Variants in CDK19 observed in about 807,000 individuals in gnomAD.
CDK19 encodes the protein cyclin-dependent kinase 19.
In CDK19, 20 loss-of-function variants were observed where a neutral mutation model predicts 68.3. The ratio of observed to expected loss-of-function variants is 0.29; its 90% CI spans 0.21 to 0.43. The LOEUF (loss-of-function observed/expected upper bound fraction) is 0.43, where lower values mean the gene tolerates loss of function less well. Among genes scored for constraint, CDK19 ranks in the 20% least tolerant of loss-of-function variants. The pLI, the probability that CDK19 is intolerant of heterozygous loss-of-function variation, is 1.00. For synonymous variants in CDK19, 221 were observed against 222.8 expected (o/e 0.99, Z 0.07); for missense variants, 339 against 623.5 (o/e 0.54, Z 4.86).
intron 2 of CDK19, among the ~76,000 whole-genome samples, chr6:110,731,056 C>CA (rs758985544): frequency 6.4e-5 from 5 of 78,120 alleles, no homozygotes; most frequent in East Asian, 3.1e-4. Flanking sequence ...CCATCTCAAA[C>CA]AAAAAAAAGA....
chr6:110,760,396 CAA>C (rs34613571), intron 1 of CDK19, among the ~76,000 whole-genome samples: 2,164 of 39,516 alleles, frequency 0.055, 6 homozygotes, highest in South Asian at 0.14. Context: ...GGCTTTGTCT[CAA>C]AAAAAAAAAA....
chr6:110,771,998 AG>A (rs1780046849), intron 1 of CDK19, among the ~76,000 whole-genome samples: 1 of 152,202 alleles, frequency 6.6e-6, no homozygotes, highest in South Asian at 2.1e-4. Context: ...ACAAGTCTCT[AG>A]GAAGTTCCAA....
Position 110,809,172 on chromosome 6 carries a change from G to A in CDK19, c.128+5837C>T, listed in dbSNP as rs182734271. ...GCAGCTTGCAGTGAGCCGAGACTGC[G>A]CCACTGCACTCCAGCCTGGGAGACA... On this transcript the variant is annotated intron_variant, in intron 1 of 12. Coordinates refer to ENST00000368911, the MANE Select transcript of CDK19 (RefSeq NM_015076.5). Among the ~76,000 whole-genome samples the A allele has an allele frequency of 2.6e-3, 383 of 148,818 alleles. 3 individuals are homozygous for A. Among genetic ancestry groups the A allele is most frequent in the African/African-American group, 8.9e-3 (358 of 40,278 alleles).
At chr6:110,769,241 A>T (rs561226038) in intron 1 of CDK19, among the ~76,000 whole-genome samples, 2 of 151,946 alleles carry the variant, frequency 1.3e-5, no homozygotes, top group African/African-American at 4.8e-5. Context: ...GATTTTAACA[A>T]ATGTGTCTCA....
intron 2 of CDK19, among the ~76,000 whole-genome samples, chr6:110,707,663 T>C (rs141188128): frequency 6.6e-6 from 1 of 152,252 alleles, no homozygotes; most frequent in Non-Finnish European, 1.5e-5. Flanking sequence ...TGCCAGGGTA[T>C]GAAATTGCTT....
chr6:110,792,453 GGCTCACTGCAGTGGCACAATCTCA>G (rs1453444963), intron 1 of CDK19, among the ~76,000 whole-genome samples: 1 of 108,548 alleles, frequency 9.2e-6, no homozygotes, highest in Admixed American at 8.1e-5. Context: ...GCACAATCTC[GGCTCACTGCAGTGGCACAATCTCA>G]GCTCACTGCA....
chr6:110,698,996 G>A (rs1358703958), intron 2 of CDK19, among the ~76,000 whole-genome samples: 1 of 148,874 alleles, frequency 6.7e-6, no homozygotes, highest in Non-Finnish European at 1.5e-5. Flanking sequence ...CGAGGCTGCA[G>A]TGAGCCATGT....
chr6:110,654,666 T>G (rs181401237), intron 4 of CDK19, among the ~76,000 whole-genome samples: 2 of 152,214 alleles, frequency 1.3e-5, no homozygotes, highest in African/African-American at 4.8e-5. Flanking sequence ...GATGGCTGCG[T>G]GCAGTGGCTC....
chr6:110,628,846 G>A (rs536417805), intron 6 of CDK19, among the ~76,000 whole-genome samples: 49 of 152,178 alleles, frequency 3.2e-4, no homozygotes, highest in Middle Eastern at 3.4e-3. Flanking sequence ...TTCCTTTGAC[G>A]ACCATTTTTT....
intron 9 of CDK19, 97 bp downstream of exon 9, chr6:110,623,193 T>C: frequency 2.0e-6 from 2 of 981,018 alleles, no homozygotes; most frequent in Non-Finnish European, 1.6e-6. Flanking sequence ...CAGCATCCAC[T>C]AATTTCTTTT....
chr6:110,697,487 A>C (rs1479476466), intron 2 of CDK19, among the ~76,000 whole-genome samples: 1 of 152,140 alleles, frequency 6.6e-6, no homozygotes, highest in Non-Finnish European at 1.5e-5. Context: ...AAAACTACAA[A>C]ACACTGCTGA....
chr6:110,798,415 A>G (rs1179743728), intron 1 of CDK19, among the ~76,000 whole-genome samples: 1 of 152,134 alleles, frequency 6.6e-6, no homozygotes, highest in African/African-American at 2.4e-5. Context: ...ACCAGAGGTC[A>G]GGAGTTTGAG....
At chr6:110,688,107 C>T (rs1473485200) in intron 2 of CDK19, among the ~76,000 whole-genome samples, 1 of 151,972 alleles carries the variant, frequency 6.6e-6, no homozygotes, top group Non-Finnish European at 1.5e-5. Flanking sequence ...CAGGGAAGGC[C>T]GGGCATGGTG....
chr6:110,726,597 A>T (rs1365932919), intron 2 of CDK19, among the ~76,000 whole-genome samples: 2 of 152,152 alleles, frequency 1.3e-5, no homozygotes, highest in Non-Finnish European at 2.9e-5. Flanking sequence ...AATATTTTGA[A>T]CTAGTGGTTT....
chr6:110,629,857 A>G (rs181802383), intron 6 of CDK19, among the ~76,000 whole-genome samples: 17 of 152,318 alleles, frequency 1.1e-4, no homozygotes, highest in Admixed American at 1.1e-3. Context: ...GAAATTAGTG[A>G]TTATGTTTTT....
chr6:110,808,799 G>T (rs1474069461), intron 1 of CDK19, among the ~76,000 whole-genome samples: 1 of 152,146 alleles, frequency 6.6e-6, no homozygotes, highest in Non-Finnish European at 1.5e-5. Flanking sequence ...AAAATAGCTA[G>T]TAAAAGCACA....
At chr6:110,712,376 C>G (rs1487904674) in intron 2 of CDK19, among the ~76,000 whole-genome samples, 1 of 152,172 alleles carries the variant, frequency 6.6e-6, no homozygotes, top group African/African-American at 2.4e-5. Flanking sequence ...AAACACCACC[C>G]TCAAGATAGT....
intron 1 of CDK19, among the ~76,000 whole-genome samples, chr6:110,750,810 A>G (rs1778427831): frequency 6.6e-6 from 1 of 152,038 alleles, no homozygotes; most frequent in Non-Finnish European, 1.5e-5. Flanking sequence ...GGGAGGGAGG[A>G]AGGGAAGGAA....
intron 5 of CDK19, among the ~76,000 whole-genome samples, chr6:110,635,478 G>C (rs941225656): frequency 6.6e-6 from 1 of 152,146 alleles, no homozygotes; most frequent in African/African-American, 2.4e-5. Context: ...GAATGGGAAG[G>C]CTTAGATACA....
Sources: gnomAD v4.1 joint callset for allele counts (sites outside exome capture counted in the v4.1 genomes callset) on GRCh38, gnomAD v4.1.1 for gene constraint, MANE v1.5 for transcripts, NCBI Gene and HGNC (gene_info 2026-07-23, HGNC 2026-07-21) for gene names.